Variants in DSP observed in about 807,000 individuals in gnomAD.
DSP encodes desmoplakin, also known as 250/210 kDa paraneoplastic pemphigus antigen.
Under a neutral mutation model 290.6 loss-of-function variants are expected in DSP, and 114 were observed. The ratio of observed to expected loss-of-function variants is 0.39; its 90% confidence interval spans 0.34 to 0.46. DSP has a LOEUF of 0.46. DSP is among the 20% of genes least tolerant of loss of function. The probability of loss-of-function intolerance (pLI) is 0.99; values close to 1 mark genes in which losing one functional copy is unlikely to be tolerated. For synonymous variants in DSP, 1,311 were observed against 1,316.4 expected (o/e 1.00, Z 0.09); for missense variants, 3,230 against 3,495.8 (o/e 0.92, Z 1.92).
chr6:7,569,202 G>A lies in DSP; in HGVS notation c.1436G>A (p.Gly479Glu). ...GCCTTACAGAAAATCGTGCATAAGG[G>A]GGATGAGTGTATCCTGAAGGACAAC... ...YKQDQKIVHK[G>E]DECILKDNNE... The change falls in exon 12 of 24, where the codon GGG (glycine) becomes GAG (glutamate). Residue 479 changes from glycine (G) to glutamate (E), a missense_variant. Gly to Glu is a moderately conservative substitution (Grantham distance 98, BLOSUM62 -2). Transcript: ENST00000379802. The A allele has an allele frequency of 6.2e-7, 1 of 1,614,162 alleles. No individual in the cohort carries two copies. The highest frequency in any genetic ancestry group is 1.1e-5 in the South Asian group (1 of 91,086).
In DSP at chr6:7,565,366, C is replaced by G. The variant is rs1288609538; in HGVS notation, c.785C>G (p.Ser262Cys). ...TTTGAACCTCCTGTGCAGAAAGCGT[C>G]CTTTGAGAGGATGGATCACCTGCGA... is the stretch of plus-strand genomic sequence containing the variant. ...EEEYENLLKA[S>C]FERMDHLRQL... Residue 262 changes from serine (S) to cysteine (C), a missense_variant, in exon 7 of 24, where the codon TCC (serine) becomes TGC (cysteine). This residue lies in a region of DSP where 646 missense variants were observed against 684.3 expected (regional missense o/e 0.94). Coordinates refer to ENST00000379802, the MANE Select transcript of DSP (RefSeq NM_004415.4). This position sits in a 1 kb window ranked among gnomAD's most constrained non-coding sequence, Gnocchi z 4.2. The G allele has an allele frequency of 6.2e-7, 1 of 1,614,000 alleles. No homozygotes were observed. The highest frequency in any genetic ancestry group is 8.5e-7 in the Non-Finnish European group (1 of 1,180,002).
chr6:7,583,104 G>T lies in DSP; in HGVS notation c.5842G>T (p.Gly1948Trp). Residue 1948 changes from glycine to tryptophan, a missense_variant, in exon 24 of 24, where the codon GGG becomes TGG. Transcript: ENST00000379802. The surrounding 1 kb of genome is among the most constrained non-coding windows in gnomAD (Gnocchi z 4.0). ...TGATAAACTCAGACAGCGCCCATAT[G>T]GGTCCCATCGAGAGACCCAGACTGA... The part of the protein sequence containing the change: ...EIDKLRQRPY[G>W]SHRETQTECE... 1 of 1,614,056 alleles carries T rather than the reference G, an allele frequency of 6.2e-7. No homozygotes were observed. The highest frequency in any genetic ancestry group is 8.5e-7 in the Non-Finnish European group (1 of 1,180,028).
chr6:7,547,405 T>G (rs1177467378), intron 1 of DSP, among the ~76,000 whole-genome samples: 1 of 152,008 alleles, frequency 6.6e-6, no homozygotes, highest in Non-Finnish European at 1.5e-5. Flanking sequence ...GATCAAAGGT[T>G]CTGCTTGGAA....
At chr6:7,551,907 A>G (rs1212135876) in intron 1 of DSP, among the ~76,000 whole-genome samples, 1 of 152,138 alleles carries the variant, frequency 6.6e-6, no homozygotes, top group East Asian at 1.9e-4. Flanking sequence ...AGCCATTCAC[A>G]AGGTATATAC....
rs1318500418 is a variant in DSP at position 7,562,874 on chromosome 6, T to C, written c.726+94T>C. ...CAGGGAGTTTCTTCTGAAACATTGC[T>C]ATTATTTCTTTCCCAGAAGACTGGA... is the stretch of plus-strand genomic sequence containing the variant. On this transcript the variant is annotated intron_variant, in intron 5 of 23. Transcript: ENST00000379802. The C allele has an allele frequency of 9.6e-6, 15 of 1,561,022 alleles. No individual in the cohort carries two copies. In the African/African-American group the frequency reaches 1.8e-4, roughly 18 times the overall value.
chr6:7,575,237 T>C (rs1283859130), intron 17 of DSP, 58 bp from the exon 18 acceptor site: 9 of 1,578,586 alleles, frequency 5.7e-6, no homozygotes, highest in African/African-American at 4.0e-5. Flanking sequence ...TGACTTGTAG[T>C]GTAGCATACA....
chr6:7,548,648 A>C (rs1435454758), intron 1 of DSP, among the ~76,000 whole-genome samples: 1 of 152,202 alleles, frequency 6.6e-6, no homozygotes, highest in East Asian at 1.9e-4. Flanking sequence ...CTTTTATTAG[A>C]GTACTGTTTC....
rs1759665060 is a variant in DSP at position 7,586,096 on chromosome 6, G to A, written c.*218G>A. On this transcript the variant is annotated 3_prime_UTR_variant, in exon 24 of 24. Transcript: ENST00000379802. ...TAAGCAGTACACTTGGATGCAGTGC[G>A]TCTGAAGTGCTAATCAGTTGTAACA... 4 of 557,284 alleles carry A rather than the reference G, an allele frequency of 7.2e-6. No homozygotes were observed. The highest frequency in any genetic ancestry group is 2.2e-5 in the South Asian group (1 of 44,716). 34.5% of individuals were successfully genotyped at this position (557,284 alleles called of 1,614,324 possible). A position where few individuals can be genotyped will look rare whatever the true frequency, so the allele number is the denominator to read the frequency against.
At position 7,565,847 on chromosome 6, in the gene DSP, G is replaced by A. The variant is rs1581799836; in HGVS notation, c.939+327G>A. 1 of 401,730 alleles carries A rather than the reference G, an allele frequency of 2.5e-6. No individual in the cohort carries two copies. Among genetic ancestry groups the A allele is most frequent in the East Asian group, 5.9e-5 (1 of 17,036 alleles). 24.9% of individuals were successfully genotyped at this position (401,730 alleles called of 1,614,324 possible). On this transcript the variant is annotated intron_variant, in intron 7 of 23. Transcript: ENST00000379802. The surrounding 1 kb of genome is among the most constrained non-coding windows in gnomAD (Gnocchi z 4.2). ...AGGGCAGAGGGTGGAGGTGGAAGGA[G>A]GGAGAGGATCAGGCAAGATAACTAA... is the stretch of plus-strand genomic sequence containing the variant.
chr6:7,580,661 G>A lies in DSP; in HGVS notation c.4471G>A (p.Asp1491Asn), dbSNP rs768402359. ...GATAGAAAGGTTAAAACAACTGATCGACAAAGAAACAAATGACCGGAAATG... is the reference window on the plus strand; with the variant it reads ...GATAGAAAGGTTAAAACAACTGATCAACAAAGAAACAAATGACCGGAAATG... The part of the protein sequence containing the change: ...KEIERLKQLI[D>N]KETNDRKCLE... Residue 1491 changes from aspartate (D) to asparagine (N), a missense_variant, in exon 23 of 24, where the codon GAC becomes AAC. Coordinates refer to ENST00000379802, the MANE Select transcript of DSP (RefSeq NM_004415.4). This position sits in a 1 kb window ranked among gnomAD's most constrained non-coding sequence, Gnocchi z 4.2. 15 of 1,614,008 alleles carry A rather than the reference G, an allele frequency of 9.3e-6. No homozygotes were observed. Among genetic ancestry groups the A allele is most frequent in the East Asian group, 4.5e-5 (2 of 44,886 alleles).
intron 16 of DSP, 150 bp downstream of exon 16, chr6:7,574,402 C>G (rs1156369130): frequency 1.1e-6 from 1 of 921,050 alleles, no homozygotes; most frequent in Non-Finnish European, 1.7e-6. Flanking sequence ...GTTAATTCCG[C>G]TAGCCTCGCA....
rs1057522715 is a variant in DSP, at chr6:7,568,478, G to C, written c.1308G>C (p.Gln436His). The change falls in exon 11 of 24, where the codon CAG (glutamine) becomes CAC (histidine). Residue 436 changes from glutamine (Q) to histidine (H), a missense_variant. This residue lies in a region of DSP where 646 missense variants were observed against 684.3 expected (regional missense o/e 0.94). Coordinates refer to ENST00000379802, the MANE Select transcript of DSP (RefSeq NM_004415.4). ...EKILEYKRQVQNLVNKSKKIV... is the reference protein window; with the variant it reads ...EKILEYKRQVHNLVNKSKKIV... ...TCCTTGAATACAAGCGTCAGGTGCA[G>C]AACTTGGTAAACAAGTCTAAGAAGA... 1 of 1,614,146 alleles carries C rather than the reference G, an allele frequency of 6.2e-7. No individual in the cohort carries two copies.
chr6:7,570,207 CA>C (rs1759000199), intron 12 of DSP, among the ~76,000 whole-genome samples: 1 of 152,160 alleles, frequency 6.6e-6, no homozygotes, highest in Non-Finnish European at 1.5e-5. Context: ...AAGACAACAA[CA>C]AAAAGTTGTA....
intron 1 of DSP, among the ~76,000 whole-genome samples, chr6:7,542,329 C>T (rs1417851040): frequency 2.0e-5 from 3 of 152,150 alleles, no homozygotes; most frequent in Admixed American, 1.3e-4. Context: ...CGAGCCCGGG[C>T]GGGTGGTCAG....
intron 1 of DSP, among the ~76,000 whole-genome samples, chr6:7,544,891 A>C (rs1044961140): frequency 6.6e-6 from 1 of 152,200 alleles, no homozygotes; most frequent in Admixed American, 6.5e-5. Flanking sequence ...CAACCTTGAT[A>C]ATGAAATAAT....
Position 7,580,840 on chromosome 6 carries a change from T to C in DSP, c.4650T>C (p.Thr1550=). Residue 1550 remains threonine, a synonymous_variant, in exon 23 of 24, where the codon ACT becomes ACC. Coordinates refer to ENST00000379802, the MANE Select transcript of DSP (RefSeq NM_004415.4). This position sits in a 1 kb window ranked among gnomAD's most constrained non-coding sequence, Gnocchi z 4.2. ...IDYERVSQER[T]VKDQDITRFQ... ...ATGAAAGGGTTTCCCAGGAGAGGAC[T>C]GTGAAGGACCAGGATATCACGCGGT... is the stretch of plus-strand genomic sequence containing the variant. 6.2e-7 allele frequency: 1 copy of C among 1,614,122 alleles called. No individual in the cohort carries two copies. The highest frequency in any genetic ancestry group is 8.5e-7 in the Non-Finnish European group (1 of 1,180,028).
At chr6:7,575,124 A>G (rs1759195062) in intron 17 of DSP, among the ~76,000 whole-genome samples, 171 bp from the exon 18 acceptor site, 1 of 152,230 alleles carries the variant, frequency 6.6e-6, no homozygotes, top group South Asian at 2.1e-4. Context: ...TGGAACAAAT[A>G]CTGGGAAATG....
intron 1 of DSP, among the ~76,000 whole-genome samples, chr6:7,548,405 C>G: frequency 6.6e-6 from 1 of 152,208 alleles, no homozygotes; most frequent in East Asian, 1.9e-4. Context: ...GGGTGTTCTA[C>G]CTGTCACAGA....
chr6:7,562,663 C>T lies in DSP; in HGVS notation c.609C>T (p.Asp203=). The part of the protein sequence containing the change: ...GWMRQQRAEM[D]MVAWGVDLAS... The stretch of plus-strand genomic sequence containing the variant: ...TCTTTGTGTCGCAGGCGGAGATGGA[C>T]ATGGTGGCCTGGGGTGTGGACCTGG... The change falls in exon 5 of 24, where the codon GAC becomes GAT. Residue 203 remains aspartate (D), a synonymous_variant. Transcript: ENST00000379802. 1 of 1,614,148 alleles carries T rather than the reference C, an allele frequency of 6.2e-7. No homozygotes were observed. Among genetic ancestry groups the T allele is most frequent in the Non-Finnish European group, 8.5e-7 (1 of 1,180,004 alleles).
Sources: gnomAD v4.1 joint callset for allele counts (sites outside exome capture counted in the v4.1 genomes callset) on GRCh38, gnomAD v4.1.1 for gene constraint, gnomAD v4.1.1 regional missense constraint, Gnocchi (gnomAD v3.1) non-coding constraint, MANE v1.5 for transcripts, NCBI Gene and HGNC (gene_info 2026-07-23, HGNC 2026-07-21) for gene names.